CNTN1: variants seen among roughly 807,000 people sequenced by gnomAD.
The protein encoded by CNTN1 is contactin-1.
A neutral mutation model predicts 126.4 loss-of-function variants in CNTN1; 38 were observed. That is an observed-to-expected ratio of 0.30 (90% CI 0.23 to 0.39). CNTN1 has a LOEUF of 0.39. CNTN1 is among the 10% of genes least tolerant of loss of function. The pLI is 1.00. For synonymous variants in CNTN1, 413 were observed against 422.6 expected, an observed-to-expected ratio of 0.98 and a Z score of 0.28; for missense variants, 1,009 against 1,248.4, an observed-to-expected ratio of 0.81 and a Z score of 2.89.
At chr12:40,881,720 C>A (rs1004178438) in intron 1 of CNTN1, among the ~76,000 whole-genome samples, 3 of 151,828 alleles carry the variant, frequency 2.0e-5, no homozygotes, top group African/African-American at 7.2e-5. Context: ...AAGACTACCA[C>A]ACCCATTCAT....
At chr12:40,788,342 C>T (rs1437074523) in intron 1 of CNTN1, among the ~76,000 whole-genome samples, 2 of 152,148 alleles carry the variant, frequency 1.3e-5, no homozygotes, top group Admixed American at 6.6e-5. Flanking sequence ...ATGATACCAT[C>T]TGTCATGTAG....
intron 7 of CNTN1, among the ~76,000 whole-genome samples, chr12:40,931,283 C>A (rs1442425994): frequency 1.3e-5 from 2 of 151,932 alleles, no homozygotes; most frequent in Non-Finnish European, 2.9e-5. Context: ...GCCTCTTCTG[C>A]CTTTCATGAA....
At chr12:40,922,768 C>T (rs1469278854) in intron 5 of CNTN1, among the ~76,000 whole-genome samples, 4 of 151,770 alleles carry the variant, frequency 2.6e-5, no homozygotes, top group Admixed American at 1.3e-4. Context: ...GTCAGGAGAT[C>T]GAGACCATCC....
intron 1 of CNTN1, among the ~76,000 whole-genome samples, chr12:40,879,180 T>C (rs2136692141): frequency 6.6e-6 from 1 of 152,196 alleles, no homozygotes; most frequent in East Asian, 1.9e-4. Flanking sequence ...TGACTTTAAT[T>C]ATATATATTA....
chr12:40,910,647 C>T (rs887276058), intron 3 of CNTN1, among the ~76,000 whole-genome samples: 10 of 152,084 alleles, frequency 6.6e-5, no homozygotes, highest in Non-Finnish European at 1.3e-4. Context: ...TAAGACCAGC[C>T]TGAATTTGCA....
At chr12:41,047,343 T>C (rs769743523) in intron 23 of CNTN1, among the ~76,000 whole-genome samples, 2 of 152,150 alleles carry the variant, frequency 1.3e-5, no homozygotes, top group African/African-American at 4.8e-5. Flanking sequence ...GAGTCTTCTG[T>C]AACTTCCATC....
intron 1 of CNTN1, among the ~76,000 whole-genome samples, chr12:40,781,492 G>C (rs1228248952): frequency 1.3e-5 from 2 of 151,810 alleles, no homozygotes; most frequent in African/African-American, 2.4e-5. Flanking sequence ...GGGTTCCATG[G>C]GAGACAAATA....
At chr12:40,724,724 C>T (rs1565650644) in intron 1 of CNTN1, among the ~76,000 whole-genome samples, 1 of 152,110 alleles carries the variant, frequency 6.6e-6, no homozygotes, top group African/African-American at 2.4e-5. Context: ...TTGTTTACTA[C>T]AACACACGAT....
chr12:40,866,769 T>A (rs980625469), intron 1 of CNTN1, among the ~76,000 whole-genome samples: 2 of 152,200 alleles, frequency 1.3e-5, no homozygotes, highest in Admixed American at 1.3e-4. Flanking sequence ...TTTATTTTTT[T>A]ATATATTTTA....
At chr12:41,054,147 T>C (rs972533381) in intron 23 of CNTN1, among the ~76,000 whole-genome samples, 1 of 151,848 alleles carries the variant, frequency 6.6e-6, no homozygotes, top group Non-Finnish European at 1.5e-5. Flanking sequence ...GACTATATAG[T>C]GCCTTAAAGT....
Position 40,741,037 on chromosome 12 carries a change from T to C in CNTN1, c.-77+48445T>C, listed in dbSNP as rs1937924413. 2.6e-5 allele frequency among the ~76,000 whole-genome samples: 4 copies of C among 152,068 alleles called. No individual in the cohort carries two copies. The South Asian group carries it at 8.3e-4, about 31-fold the overall frequency. ...ATACACCTGGCCATTTCTCACTGCC[T>C]GGAACTTTTACCTTTTTGCACTCAT... On this transcript the variant is annotated intron_variant, in intron 1 of 23. Transcript: ENST00000551295.
intron 3 of CNTN1, among the ~76,000 whole-genome samples, chr12:40,911,967 C>G (rs1441272467): frequency 6.6e-6 from 1 of 151,050 alleles, no homozygotes. Flanking sequence ...GATTAGTCAA[C>G]CAACAATGTC....
Position 40,812,260 on chromosome 12 carries a change from G to A in CNTN1, c.-76-96097G>A, listed in dbSNP as rs994839195. Among the ~76,000 whole-genome samples the A allele has an allele frequency of 7.2e-5, 11 of 152,088 alleles. No homozygotes were observed. The East Asian group carries it at 2.1e-3, about 29-fold the overall frequency. ...TAAAAGATACTTAATATGATTTCAAGCTTCTTAAATTTGCTAAGACTGATT... is the reference window on the plus strand; with the variant it reads ...TAAAAGATACTTAATATGATTTCAAACTTCTTAAATTTGCTAAGACTGATT... On this transcript the variant is annotated intron_variant, in intron 1 of 23. Transcript: ENST00000551295.
intron 14 of CNTN1, among the ~76,000 whole-genome samples, chr12:40,945,231 A>G (rs1244866682): frequency 6.6e-6 from 1 of 152,116 alleles, no homozygotes; most frequent in Non-Finnish European, 1.5e-5. Context: ...TTGACATTAT[A>G]TACCATGTAA....
intron 1 of CNTN1, among the ~76,000 whole-genome samples, chr12:40,866,851 G>A (rs903508745): frequency 6.6e-6 from 1 of 152,086 alleles, no homozygotes. Flanking sequence ...CCTTGCTATT[G>A]TTATTGTTGT....
At chr12:40,747,045 CCTGA>C (rs140930789) in intron 1 of CNTN1, among the ~76,000 whole-genome samples, 11 of 152,184 alleles carry the variant, frequency 7.2e-5, no homozygotes, top group African/African-American at 2.4e-4. Flanking sequence ...CCCACTCCTA[CCTGA>C]CTATCTACTG....
intron 1 of CNTN1, among the ~76,000 whole-genome samples, chr12:40,753,569 T>TATAA (rs1938485826): frequency 6.6e-6 from 1 of 151,998 alleles, no homozygotes; most frequent in Admixed American, 6.6e-5. Flanking sequence ...AAAAGCCCCT[T>TATAA]ATAAAACCAT....
At chr12:40,851,387 A>T (rs941922135) in intron 1 of CNTN1, among the ~76,000 whole-genome samples, 1 of 152,188 alleles carries the variant, frequency 6.6e-6, no homozygotes, top group Non-Finnish European at 1.5e-5. Flanking sequence ...GTGCACACAC[A>T]TGTATTTGCT....
At chr12:40,725,401 C>CAAA (rs34242859) in intron 1 of CNTN1, among the ~76,000 whole-genome samples, 6 of 45,272 alleles carry the variant, frequency 1.3e-4, no homozygotes, top group Non-Finnish European at 2.0e-4. Context: ...AACTCTGTCT[C>CAAA]AAAAAAAAAA....
Sources: allele counts gnomAD v4.1 joint callset (sites outside exome capture counted in the v4.1 genomes callset), GRCh38; gene constraint gnomAD v4.1.1; transcripts MANE v1.5; gene names NCBI Gene and HGNC (gene_info 2026-07-23, HGNC 2026-07-21).